Variants in CAMK1D observed in about 807,000 individuals in gnomAD.
CAMK1D encodes calcium/calmodulin-dependent protein kinase type 1D.
Under a neutral mutation model 47.7 loss-of-function variants are expected in CAMK1D, and 9 were observed. That is an observed-to-expected ratio of 0.19 (90% CI 0.11 to 0.33). The LOEUF (loss-of-function observed/expected upper bound fraction) is 0.33, where lower values mean the gene tolerates loss of function less well. Among genes scored for constraint, CAMK1D ranks in the 10% least tolerant of loss-of-function variants. The pLI is 1.00. For synonymous variants in CAMK1D, 184 were observed against 184.9 expected (o/e 0.99, Z 0.04); for missense variants, 291 against 488.7 (o/e 0.60, Z 3.81).
At chr10:12,541,754 T>C (rs1836186910) in intron 1 of CAMK1D, among the ~76,000 whole-genome samples, 1 of 152,282 alleles carries the variant, frequency 6.6e-6, no homozygotes, top group East Asian at 1.9e-4. Flanking sequence ...TTGATTCTGA[T>C]CTGGAACAAT....
intron 1 of CAMK1D, among the ~76,000 whole-genome samples, chr10:12,513,740 T>A (rs1078774): frequency 6.6e-6 from 1 of 151,880 alleles, no homozygotes; most frequent in African/African-American, 2.4e-5. Flanking sequence ...GGTGGAGGCT[T>A]CAGTGGGCCG....
intron 3 of CAMK1D, among the ~76,000 whole-genome samples, chr10:12,669,971 A>C (rs1840558895): frequency 1.3e-5 from 2 of 151,996 alleles, no homozygotes; most frequent in Non-Finnish European, 2.9e-5. Context: ...GACTCTATCG[A>C]GTGAAGTTGC....
At chr10:12,529,309 C>T (rs908590805) in intron 1 of CAMK1D, among the ~76,000 whole-genome samples, 2 of 152,160 alleles carry the variant, frequency 1.3e-5, no homozygotes, top group Non-Finnish European at 2.9e-5. Context: ...CCTGCCCAAC[C>T]AGGTTGGCAC....
chr10:12,816,872 CAAAAAAAAAAA>C (rs71386122), intron 8 of CAMK1D, among the ~76,000 whole-genome samples: 1 of 57,428 alleles, frequency 1.7e-5, no homozygotes, highest in South Asian at 5.5e-4. Context: ...AACTCTGTCT[CAAAAAAAAAAA>C]AAAAAAAAAA....
At chr10:12,675,284 A>T (rs1028366128) in intron 3 of CAMK1D, among the ~76,000 whole-genome samples, 4 of 152,180 alleles carry the variant, frequency 2.6e-5, no homozygotes, top group African/African-American at 7.2e-5. Flanking sequence ...TCCAGCCTGG[A>T]GCCCTGTCCA....
At chr10:12,591,006 G>C (rs1837978317) in intron 2 of CAMK1D, among the ~76,000 whole-genome samples, 2 of 152,190 alleles carry the variant, frequency 1.3e-5, no homozygotes, top group African/African-American at 4.8e-5. Flanking sequence ...GGAGAAGATA[G>C]CTAACCGATT....
At chr10:12,807,687 T>C (rs1172940002) in intron 6 of CAMK1D, among the ~76,000 whole-genome samples, 1 of 152,196 alleles carries the variant, frequency 6.6e-6, no homozygotes, top group Non-Finnish European at 1.5e-5. Flanking sequence ...ACAGTGGGCA[T>C]CATCTGTAGT....
chr10:12,764,495 A>G (rs558773869), intron 4 of CAMK1D, among the ~76,000 whole-genome samples: 12 of 3,458 alleles, frequency 3.5e-3, no homozygotes, highest in South Asian at 0.021. Context: ...AATCTTTTCT[A>G]GGAGGGATGT....
At chr10:12,820,377 A>C (rs978402383) in intron 8 of CAMK1D, among the ~76,000 whole-genome samples, 1 of 152,212 alleles carries the variant, frequency 6.6e-6, no homozygotes, top group Admixed American at 6.5e-5. Flanking sequence ...ATGAAAACTA[A>C]TGCACTTGAC....
At chr10:12,497,334 T>C (rs2768442) in intron 1 of CAMK1D, among the ~76,000 whole-genome samples, 119,068 of 151,762 alleles carry the variant, frequency 0.78, 46,962 homozygotes, top group East Asian at 0.98. Flanking sequence ...AAAATTAGCC[T>C]GGTGTGGTAG....
At chr10:12,602,082 G>A (rs1190570793) in intron 2 of CAMK1D, among the ~76,000 whole-genome samples, 2 of 152,194 alleles carry the variant, frequency 1.3e-5, no homozygotes, top group Non-Finnish European at 2.9e-5. Context: ...CAGTGGTTCT[G>A]TTTGCCTTCC....
intron 1 of CAMK1D, among the ~76,000 whole-genome samples, chr10:12,380,030 C>T (rs984741004): frequency 4.6e-5 from 7 of 151,564 alleles, no homozygotes; most frequent in African/African-American, 1.2e-4. Context: ...CTGCCTAACA[C>T]GGTGAAACCC....
chr10:12,592,068 C>A (rs546333220), intron 2 of CAMK1D, among the ~76,000 whole-genome samples: 3 of 152,246 alleles, frequency 2.0e-5, no homozygotes, highest in Non-Finnish European at 2.9e-5. Flanking sequence ...GAAAACGCCC[C>A]CGTTGATTGC....
intron 1 of CAMK1D, among the ~76,000 whole-genome samples, chr10:12,474,915 T>G (rs1833859180): frequency 6.6e-6 from 1 of 152,026 alleles, no homozygotes; most frequent in Non-Finnish European, 1.5e-5. Context: ...TCCATGTTCC[T>G]GCAAAGGACA....
intron 1 of CAMK1D, among the ~76,000 whole-genome samples, chr10:12,483,458 C>T (rs1834122382): frequency 6.6e-6 from 1 of 152,196 alleles, no homozygotes; most frequent in Non-Finnish European, 1.5e-5. Context: ...GCCTTTGCGT[C>T]CCAAAGTGCT....
chr10:12,594,501 C>G (rs1203909856), intron 2 of CAMK1D, among the ~76,000 whole-genome samples: 1 of 152,210 alleles, frequency 6.6e-6, no homozygotes, highest in Non-Finnish European at 1.5e-5. Flanking sequence ...CAGCACTCGG[C>G]CTCCACCACA....
chr10:12,601,769 A>C (rs1157587905), intron 2 of CAMK1D, among the ~76,000 whole-genome samples: 2 of 152,136 alleles, frequency 1.3e-5, no homozygotes, highest in African/African-American at 4.8e-5. Context: ...GCCTCAGTTC[A>C]TTTCTTAAAG....
intron 1 of CAMK1D, among the ~76,000 whole-genome samples, chr10:12,457,312 A>T (rs909246112): frequency 6.6e-6 from 1 of 150,814 alleles, no homozygotes; most frequent in African/African-American, 2.4e-5. Context: ...AATCGCTTGA[A>T]CCCAGAGGGT....
At chr10:12,532,440 T>C (rs1012818829) in intron 1 of CAMK1D, among the ~76,000 whole-genome samples, 58 of 152,126 alleles carry the variant, frequency 3.8e-4, no homozygotes, top group Admixed American at 4.6e-4. Context: ...CCACTACGCC[T>C]GGCTAATTTT....
Sources: allele counts gnomAD v4.1 joint callset (sites outside exome capture counted in the v4.1 genomes callset), GRCh38; gene constraint gnomAD v4.1.1; transcripts MANE v1.5; gene names NCBI Gene and HGNC (gene_info 2026-07-23, HGNC 2026-07-21).